Variants in MYOF observed in about 807,000 individuals in gnomAD.
MYOF encodes the protein myoferlin, also known as fer-1-like 3, myoferlin.
In MYOF, 244 loss-of-function variants were observed where a neutral mutation model predicts 284.2. The ratio of observed to expected loss-of-function variants is 0.86; its 90% CI spans 0.77 to 0.95. The LOEUF (loss-of-function observed/expected upper bound fraction) is 0.95. Ranked by LOEUF, MYOF falls within the 40% of genes least tolerant of loss-of-function variation. The pLI is 0.00. For missense variants in MYOF, 2,496 were observed against 2,560.6 expected (o/e 0.97, Z 0.54); for synonymous variants, 904 against 919.7 (o/e 0.98, Z 0.31).
chr10:93,363,961 C>T lies in MYOF; in HGVS notation c.2868G>A (p.Ala956=), dbSNP rs200808641. 1.8e-4 allele frequency: 294 copies of T among 1,613,818 alleles called. 1 individual carries two copies. The Middle Eastern group carries it at 3.8e-3, about 21-fold the overall frequency. ...TTTCTCTCCGGAGCAGGCCACTCAC[C>T]GCATCCGTGTAGGTGTCCTCGGCCG... The part of the protein sequence containing the change: ...WKPAEDTYTD[A]NGDKAASPSE... Residue 956 remains alanine, a splice_region_variant and synonymous_variant, in exon 27 of 54, where the codon GCG becomes GCA. Coordinates refer to ENST00000359263, the MANE Select transcript of MYOF (RefSeq NM_013451.4).
chr10:93,369,270 T>TGCCTGTGTGCGTGG (rs1564656113), intron 25 of MYOF, among the ~76,000 whole-genome samples: 2 of 151,980 alleles, frequency 1.3e-5, no homozygotes, highest in African/African-American at 4.8e-5. Flanking sequence ...TGTGTGTGTG[T>TGCCTGTGTGCGTGG]GTGTGTATAC....
At chr10:93,443,239 T>C (rs1462587333) in intron 3 of MYOF, among the ~76,000 whole-genome samples, 5 of 152,176 alleles carry the variant, frequency 3.3e-5, no homozygotes, top group African/African-American at 1.2e-4. Context: ...TCTGGGTCAG[T>C]TTCTATTGAT....
chr10:93,402,890 T>C lies in MYOF; in HGVS notation c.844A>G (p.Ile282Val). 1 of 1,611,608 alleles carries C rather than the reference T, an allele frequency of 6.2e-7. No individual in the cohort carries two copies. Among genetic ancestry groups the C allele is most frequent in the South Asian group, 1.1e-5 (1 of 90,986 alleles). The change falls in exon 10 of 54, where the codon ATT becomes GTT. Residue 282 changes from isoleucine (I) to valine (V), a missense_variant and splice_region_variant. Coordinates refer to ENST00000359263, the MANE Select transcript of MYOF (RefSeq NM_013451.4). The stretch of plus-strand genomic sequence containing the variant: ...TCATCATAAACAAATCCAACATCAA[T>C]CTGGGAAAACAATAATCGAAAGTAG... Reference protein sequence around the residue: ...RADCLMGEFKIDVGFVYDEPG... With the variant: ...RADCLMGEFKVDVGFVYDEPG...
rs1248456990 is a variant in MYOF, at chr10:93,447,311, T to G, written c.236+4739A>C. ...TCACTTACAGCCCCTTTACCTCCCTTCCTTAAGGGCATGACTAGTGTAAAC... is the reference window on the plus strand; with the variant it reads ...TCACTTACAGCCCCTTTACCTCCCTGCCTTAAGGGCATGACTAGTGTAAAC... On this transcript the variant is annotated intron_variant, in intron 3 of 53. Coordinates refer to ENST00000359263, the MANE Select transcript of MYOF (RefSeq NM_013451.4). Among the ~76,000 whole-genome samples the G allele has an allele frequency of 2.6e-5, 4 of 152,024 alleles. No homozygotes were observed. The South Asian group carries it at 6.2e-4, about 24-fold the overall frequency.
rs758600049 is a variant in MYOF, at chr10:93,337,879, T to C, written c.4373A>G (p.Tyr1458Cys). The change falls in exon 40 of 54, where the codon TAT becomes TGT. Residue 1458 changes from tyrosine (Y) to cysteine (C), a missense_variant. Coordinates refer to ENST00000359263, the MANE Select transcript of MYOF (RefSeq NM_013451.4). ...TTTTTCATGTTCCCCTGAGGAAGCA[T>C]AAAATTTACTCCACCAGTCCACGAT... The part of the protein sequence containing the change: ...EEIVDWWSKF[Y>C]ASSGEHEKCG... The C allele has an allele frequency of 2.4e-5, 38 of 1,613,998 alleles. 1 individual carries two copies. In the Admixed American group the frequency reaches 5.7e-4, roughly 24 times the overall value.
intron 9 of MYOF, among the ~76,000 whole-genome samples, chr10:93,403,651 C>G (rs547532231): frequency 6.6e-6 from 1 of 152,218 alleles, no homozygotes; most frequent in Non-Finnish European, 1.5e-5. Context: ...TTTGGCTTTC[C>G]TTTCACACTC....
At position 93,343,008 on chromosome 10, in the gene MYOF, A is replaced by G. The variant is rs1843995617; in HGVS notation, c.4326+848T>C. 2.0e-5 allele frequency among the ~76,000 whole-genome samples: 3 copies of G among 152,058 alleles called. No individual in the cohort carries two copies. In the South Asian group the frequency reaches 6.2e-4, roughly 32 times the overall value. ...GCTGGCTGTGGAGACTATATTTTAT[A>G]TGGTCCAGTTGTTAGTGAGTTTAAT... On this transcript the variant is annotated intron_variant, in intron 38 of 53. Coordinates refer to ENST00000359263, the MANE Select transcript of MYOF (RefSeq NM_013451.4).
At chr10:93,319,638 TGTGA>T (rs1463481745) in intron 49 of MYOF, among the ~76,000 whole-genome samples, 2 of 152,114 alleles carry the variant, frequency 1.3e-5, no homozygotes, top group African/African-American at 4.8e-5. Flanking sequence ...GCCACCAGTA[TGTGA>T]GTATGTGAGG....
rs701882 is a variant in MYOF at position 93,456,866 on chromosome 10, A to G, written c.144+16T>C. On this transcript the variant is annotated intron_variant, in intron 2 of 53. Transcript: ENST00000359263. ...GCTTATCTATTAAAACAAAGTTGAA[A>G]AAACAATGAAGTCACCTCATTCCAG... The G allele has an allele frequency of 0.66, 1,045,089 of 1,579,150 alleles. 349,985 individuals carry two copies. The highest frequency in any genetic ancestry group is 0.68 in the Non-Finnish European group (791,558 of 1,158,244).
At chr10:93,458,981 T>C (rs767462094) in intron 1 of MYOF, among the ~76,000 whole-genome samples, 9 of 152,258 alleles carry the variant, frequency 5.9e-5, no homozygotes, top group Non-Finnish European at 5.9e-5. Context: ...CCGTGAGTCA[T>C]GGACCTCACT....
chr10:93,336,006 C>T lies in MYOF; in HGVS notation c.4478G>A (p.Gly1493Asp), dbSNP rs1245781722. The T allele has an allele frequency of 6.2e-7, 1 of 1,613,926 alleles. No homozygotes were observed. Among genetic ancestry groups the T allele is most frequent in the East Asian group, 2.2e-5 (1 of 44,892 alleles). ...CELENVAEFE[G>D]LTDFSDTFKL... is the part of the protein sequence containing the mutation. ...GAACGTATCTGAGAAGTCTGTCAGG[C>T]CCTCAAATTCTGCTACATTTTCTAG... Residue 1493 changes from glycine to aspartate, a missense_variant, in exon 41 of 54, where the codon GGC (glycine) becomes GAC (aspartate). Physicochemically the swap from Gly to Asp is moderately conservative, Grantham distance 94. Coordinates refer to ENST00000359263, the MANE Select transcript of MYOF (RefSeq NM_013451.4).
chr10:93,425,849 A>G (rs1848566185), intron 5 of MYOF: 2 of 575,836 alleles, frequency 3.5e-6, no homozygotes, highest in South Asian at 2.0e-5. Context: ...GAGGTTGTTC[A>G]GTAAAGGGTT....
intron 21 of MYOF, among the ~76,000 whole-genome samples, chr10:93,378,029 T>C (rs1169990670): frequency 6.6e-6 from 1 of 152,244 alleles, no homozygotes; most frequent in Non-Finnish European, 1.5e-5. Context: ...GATATTTCAG[T>C]AGTAGTGAGC....
At chr10:93,353,169 G>A (rs545205928) in intron 32 of MYOF, among the ~76,000 whole-genome samples, 2 of 152,276 alleles carry the variant, frequency 1.3e-5, no homozygotes, top group East Asian at 1.9e-4. Context: ...CAGATAGCCT[G>A]AACTATCCAT....
rs1407871092 is a variant in MYOF, at chr10:93,329,563, G to A, written c.4982+101C>T. 1.3e-5 allele frequency: 16 copies of A among 1,237,156 alleles called. 1 individual carries two copies. The South Asian group carries it at 1.9e-4, about 15-fold the overall frequency. The allele number at this position is 1,237,156 out of a possible 1,614,324, so 76.6% of individuals were successfully genotyped here. ...AATCCATACCTGAGTGATAGGAGCA[G>A]TGGCTCAGTGAAGGAAGGCACTAAG... On this transcript the variant is annotated intron_variant, in intron 44 of 53. Transcript: ENST00000359263.
chr10:93,423,494 C>G (rs1056721742), intron 5 of MYOF, among the ~76,000 whole-genome samples: 4 of 141,702 alleles, frequency 2.8e-5, no homozygotes, highest in Non-Finnish European at 4.5e-5. Context: ...CCACTGCACT[C>G]CAGCCTAGAT....
At chr10:93,343,982 G>A (rs765385461) in intron 37 of MYOF, 50 bp from the exon 38 acceptor site, 2 of 1,598,594 alleles carry the variant, frequency 1.3e-6, no homozygotes, top group South Asian at 1.1e-5. Flanking sequence ...AAATACAGTG[G>A]TGAACATTCT....
At chr10:93,453,403 A>T (rs2056648966) in intron 2 of MYOF, among the ~76,000 whole-genome samples, 1 of 151,392 alleles carries the variant, frequency 6.6e-6, no homozygotes, top group Admixed American at 6.6e-5. Context: ...TGACCTCATG[A>T]TCCACCCGCC....
In MYOF at chr10:93,381,375, A is replaced by G; in HGVS notation, c.1720T>C (p.Tyr574His). The G allele has an allele frequency of 6.2e-7, 1 of 1,614,216 alleles. No individual in the cohort carries two copies. ...GAATGAAACACGGCAGACAGGCTGT[A>G]CTTCCGCCTTCGCTGGTATTTCTAT... The part of the protein sequence containing the change: ...VVEKYQRRRK[Y>H]SLSAVFHSAT... The change falls in exon 20 of 54, where the codon TAC (tyrosine) becomes CAC (histidine). Residue 574 changes from tyrosine to histidine, a missense_variant. Tyr to His is a moderately conservative substitution (Grantham distance 83). Coordinates refer to ENST00000359263, the MANE Select transcript of MYOF (RefSeq NM_013451.4).
Sources: allele counts gnomAD v4.1 joint callset (sites outside exome capture counted in the v4.1 genomes callset), GRCh38; gene constraint gnomAD v4.1.1; transcripts MANE v1.5; gene names NCBI Gene and HGNC (gene_info 2026-07-23, HGNC 2026-07-21).